CD109: variants seen among roughly 807,000 people sequenced by gnomAD.
CD109 encodes the protein CD109 antigen.
Under a neutral mutation model 165.8 loss-of-function variants are expected in CD109, and 149 were observed. The observed-to-expected ratio is 0.90, with a 90% CI of 0.79 to 1.03. The LOEUF (loss-of-function observed/expected upper bound fraction) is 1.03. CD109 is among the 50% of genes least tolerant of loss of function. The pLI, the probability that CD109 is intolerant of heterozygous loss-of-function variation, is 0.00. For missense variants in CD109, 1,712 were observed against 1,677.8 expected (o/e 1.02, Z -0.36); for synonymous variants, 585 against 592.1 (o/e 0.99, Z 0.18).
intron 2 of CD109, among the ~76,000 whole-genome samples, chr6:73,721,391 A>G (rs1325640502): frequency 6.1e-5 from 9 of 146,604 alleles, no homozygotes; most frequent in Admixed American, 5.5e-4. Flanking sequence ...TTGAGACAGT[A>G]TCTCCCTCTG....
chr6:73,710,456 T>C (rs1771485601), intron 2 of CD109, among the ~76,000 whole-genome samples: 1 of 152,036 alleles, frequency 6.6e-6, no homozygotes, highest in Non-Finnish European at 1.5e-5. Flanking sequence ...CACAAACAAA[T>C]GGAAGAACAT....
chr6:73,805,784 G>A (rs1473631925), intron 24 of CD109, among the ~76,000 whole-genome samples: 3 of 151,960 alleles, frequency 2.0e-5, no homozygotes, highest in Non-Finnish European at 2.9e-5. Context: ...TGTTTAACAA[G>A]GCACATCTTA....
At chr6:73,750,727 C>G (rs923721625) in intron 5 of CD109, among the ~76,000 whole-genome samples, 1 of 152,200 alleles carries the variant, frequency 6.6e-6, no homozygotes, top group African/African-American at 2.4e-5. Flanking sequence ...TTATGGTATT[C>G]CTATTCTTAC....
At chr6:73,807,147 T>C in intron 25 of CD109, 75 bp downstream of exon 25, 1 of 1,046,914 alleles carries the variant, frequency 9.6e-7, no homozygotes, top group Middle Eastern at 2.1e-4. Context: ...CAAATATGTG[T>C]GTGGAAACTT....
intron 23 of CD109, among the ~76,000 whole-genome samples, chr6:73,793,175 A>G (rs1775036201): frequency 1.3e-5 from 2 of 152,216 alleles, no homozygotes; most frequent in Non-Finnish European, 2.9e-5. Flanking sequence ...TGCCAAGAAA[A>G]CAGAGGGAGC....
chr6:73,746,020 G>A (rs2150201143), intron 5 of CD109, among the ~76,000 whole-genome samples: 1 of 152,364 alleles, frequency 6.6e-6, no homozygotes, highest in Middle Eastern at 3.4e-3. Flanking sequence ...ATAAGCCACT[G>A]TGCTCAGCCA....
intron 23 of CD109, among the ~76,000 whole-genome samples, chr6:73,797,292 C>T (rs1275779478): frequency 6.6e-6 from 1 of 152,152 alleles, no homozygotes; most frequent in Admixed American, 6.5e-5. Context: ...AAATCCAGAA[C>T]CTGTTAATTG....
chr6:73,722,641 C>G (rs1772000974), intron 2 of CD109, among the ~76,000 whole-genome samples: 1 of 152,194 alleles, frequency 6.6e-6, no homozygotes, highest in African/African-American at 2.4e-5. Flanking sequence ...AAGGGCCTGC[C>G]ATCTTCGATA....
chr6:73,705,024 C>T (rs528908459), intron 2 of CD109, among the ~76,000 whole-genome samples: 4 of 152,254 alleles, frequency 2.6e-5, no homozygotes, highest in East Asian at 1.9e-4. Flanking sequence ...AGTTACTTCA[C>T]GTACTAGAGA....
intron 11 of CD109, 41 bp downstream of exon 11, chr6:73,766,195 C>T (rs758878044): frequency 6.8e-7 from 1 of 1,472,584 alleles, no homozygotes; most frequent in Non-Finnish European, 9.5e-7. Flanking sequence ...GCAACAACAC[C>T]ATTACAGTTG....
rs1215930350 is a variant in CD109, at chr6:73,795,803, G to C, written c.2878+3001G>C. On this transcript the variant is annotated intron_variant, in intron 23 of 32. Coordinates refer to ENST00000287097, the MANE Select transcript of CD109 (RefSeq NM_133493.5). ...CAGGTTCTTAGTGTCTCCAAGGCTT[G>C]GTTTTTTTACCTGGAAGACAGGGAT... Among the ~76,000 whole-genome samples, 6 of 150,706 alleles carry C rather than the reference G, an allele frequency of 4.0e-5. No individual in the cohort carries two copies. In the East Asian group the frequency reaches 1.2e-3, roughly 29 times the overall value.
chr6:73,726,618 A>G (rs1189055332), intron 3 of CD109, among the ~76,000 whole-genome samples: 1 of 152,236 alleles, frequency 6.6e-6, no homozygotes, highest in Non-Finnish European at 1.5e-5. Flanking sequence ...GGCTTTAGAC[A>G]GCCCAGATTA....
intron 2 of CD109, among the ~76,000 whole-genome samples, chr6:73,712,309 G>A (rs920228493): frequency 2.0e-5 from 3 of 152,194 alleles, no homozygotes; most frequent in Admixed American, 6.5e-5. Flanking sequence ...AACTGCTGAA[G>A]AATGAGGAAA....
chr6:73,688,571 A>T, the CD109 span, among the ~76,000 whole-genome samples: 706 of 152,036 alleles, frequency 4.6e-3, 15 homozygotes, highest in Non-Finnish European at 4.8e-3. Flanking sequence ...TAATGAGGTA[A>T]CTCTTGGTAG....
intron 15 of CD109, among the ~76,000 whole-genome samples, chr6:73,776,294 T>C (rs1774238710): frequency 6.6e-6 from 1 of 152,126 alleles, no homozygotes; most frequent in African/African-American, 2.4e-5. Flanking sequence ...ACTCTGTTGC[T>C]CAGGCTGGAG....
chr6:73,742,232 G>C, intron 5 of CD109, among the ~76,000 whole-genome samples: 1 of 145,098 alleles, frequency 6.9e-6, no homozygotes, highest in East Asian at 2.0e-4. Context: ...CTGTGGTGTT[G>C]ATTAGTCTTA....
rs563514806 is a variant in CD109, at chr6:73,756,227, C to T, written c.634-416C>T. Reference sequence around the variant, plus strand: ...TGAGTTATGTGTAACTTCATTTTCTCCATTAATTTTTGATAATGATATCCA... The same window carrying T: ...TGAGTTATGTGTAACTTCATTTTCTTCATTAATTTTTGATAATGATATCCA... On this transcript the variant is annotated intron_variant, in intron 5 of 32. Transcript: ENST00000287097. Among the ~76,000 whole-genome samples the T allele has an allele frequency of 2.1e-4, 32 of 152,232 alleles. 1 individual carries two copies. In the East Asian group the frequency reaches 6.2e-3, roughly 29 times the overall value.
chr6:73,712,171 T>C (rs1436842943), intron 2 of CD109, among the ~76,000 whole-genome samples: 1 of 151,818 alleles, frequency 6.6e-6, no homozygotes, highest in Non-Finnish European at 1.5e-5. Flanking sequence ...ATCATGCCAC[T>C]GCACTCCAGC....
At chr6:73,687,711 A>G in the CD109 span, among the ~76,000 whole-genome samples, 1 of 152,160 alleles carries the variant, frequency 6.6e-6, no homozygotes, top group Non-Finnish European at 1.5e-5. Context: ...TTGGTCCTTG[A>G]CCATGAAACT....
Sources: gnomAD v4.1 joint callset for allele counts (sites outside exome capture counted in the v4.1 genomes callset) on GRCh38, gnomAD v4.1.1 for gene constraint, MANE v1.5 for transcripts, NCBI Gene and HGNC (gene_info 2026-07-23, HGNC 2026-07-21) for gene names.